Variants in SYNJ2 observed in about 807,000 individuals in gnomAD.
SYNJ2 encodes synaptojanin 2.
Under a neutral mutation model 141.3 loss-of-function variants are expected in SYNJ2, and 116 were observed. The observed-to-expected ratio is 0.82, with a 90% CI of 0.71 to 0.96. The LOEUF (loss-of-function observed/expected upper bound fraction) is 0.96. Among genes scored for constraint, SYNJ2 ranks in the 40% least tolerant of loss-of-function variants. SYNJ2 has a pLI of 0.00. For synonymous variants in SYNJ2, 745 were observed against 777.7 expected, an observed-to-expected ratio of 0.96 and a Z score of 0.70; for missense variants, 1,873 against 1,934.8, an observed-to-expected ratio of 0.97 and a Z score of 0.60.
intron 2 of SYNJ2, among the ~76,000 whole-genome samples, chr6:158,026,273 G>A (rs1267037447): frequency 6.6e-6 from 1 of 152,224 alleles, no homozygotes; most frequent in Non-Finnish European, 1.5e-5. Flanking sequence ...GGCCAGACTT[G>A]GCTTGAGAAA....
intron 22 of SYNJ2, among the ~76,000 whole-genome samples, chr6:158,085,624 G>A (rs116836781): frequency 1.3e-5 from 2 of 152,248 alleles, no homozygotes; most frequent in East Asian, 1.9e-4. Context: ...CCCTTTGACC[G>A]TACGCTGGTC....
chr6:157,997,003 T>C (rs1334527122), intron 1 of SYNJ2, among the ~76,000 whole-genome samples: 1 of 151,930 alleles, frequency 6.6e-6, no homozygotes, highest in African/African-American at 2.4e-5. Flanking sequence ...TGGCTGCTGC[T>C]GCCTCCGTCT....
At chr6:158,017,941 A>G in intron 2 of SYNJ2, 1 of 377,756 alleles carries the variant, frequency 2.6e-6, no homozygotes, top group South Asian at 2.0e-5. Context: ...GCTTCTGCCC[A>G]GGGCATTGTC....
At position 158,062,269 on chromosome 6, in the gene SYNJ2, G is replaced by A. The variant is rs960957098; in HGVS notation, c.1127+105G>A. ...CCTTCTGCTGGGTGAGGCGGCAGAG[G>A]GGCCGTGCAGTCTAGGACATGTGCC... On this transcript the variant is annotated intron_variant, in intron 8 of 26. Coordinates refer to ENST00000355585, the MANE Select transcript of SYNJ2 (RefSeq NM_003898.4). The A allele has an allele frequency of 5.9e-6, 9 of 1,537,664 alleles. No homozygotes were observed. The African/African-American group carries it at 1.1e-4, about 19-fold the overall frequency.
intron 23 of SYNJ2, among the ~76,000 whole-genome samples, chr6:158,087,614 A>G (rs1562404721): frequency 6.6e-6 from 1 of 152,224 alleles, no homozygotes; most frequent in Non-Finnish European, 1.5e-5. Context: ...AAATGTGATG[A>G]TCAGACTTAG....
At chr6:158,017,929 G>A in intron 2 of SYNJ2, 1 of 385,540 alleles carries the variant, frequency 2.6e-6, no homozygotes. Flanking sequence ...GTCTGGTCTG[G>A]GGCTTCTGCC....
intron 2 of SYNJ2, among the ~76,000 whole-genome samples, chr6:158,026,257 C>T (rs535197561): frequency 1.3e-5 from 2 of 152,340 alleles, no homozygotes; most frequent in South Asian, 2.1e-4. Flanking sequence ...GGAGCACCAG[C>T]TCTGGGGCCA....
intron 1 of SYNJ2, among the ~76,000 whole-genome samples, chr6:158,011,357 G>A (rs1778264118): frequency 6.6e-6 from 1 of 152,196 alleles, no homozygotes; most frequent in Admixed American, 6.5e-5. Context: ...AAGTTCTGCT[G>A]CCTGGGGCCT....
At chr6:158,025,894 G>C (rs551814312) in intron 2 of SYNJ2, among the ~76,000 whole-genome samples, 90 of 152,144 alleles carry the variant, frequency 5.9e-4, no homozygotes, top group African/African-American at 2.0e-3. Flanking sequence ...AGAGGTTGCG[G>C]TGAGCCGAGA....
intron 2 of SYNJ2, among the ~76,000 whole-genome samples, chr6:158,025,021 G>A (rs928497918): frequency 3.3e-5 from 5 of 152,238 alleles, no homozygotes; most frequent in Non-Finnish European, 5.9e-5. Context: ...TCTGAGTCCA[G>A]TGTGTTGCTG....
At chr6:157,986,362 C>A (rs535596003) in intron 1 of SYNJ2, among the ~76,000 whole-genome samples, 3 of 152,308 alleles carry the variant, frequency 2.0e-5, no homozygotes, top group East Asian at 3.9e-4. Context: ...TTGTTTGAGA[C>A]GGAGTCTCTT....
chr6:158,019,192 C>T (rs930975203), intron 2 of SYNJ2, among the ~76,000 whole-genome samples: 2 of 152,210 alleles, frequency 1.3e-5, no homozygotes, highest in African/African-American at 4.8e-5. Context: ...ACATGAATGA[C>T]TCATTTTGCA....
rs371522657 is a variant in SYNJ2, at chr6:158,071,585, G to T, written c.1941-17G>T. 2 of 1,611,052 alleles carry T rather than the reference G, an allele frequency of 1.2e-6. No homozygotes were observed. Among genetic ancestry groups the T allele is most frequent in the African/African-American group, 2.7e-5 (2 of 74,956 alleles). Reference sequence around the variant, plus strand: ...TCCTTCAGGAGCCGACGGCATGCGCGTATCCTTCTGTTCCAGGGACGTAGC... The same window carrying T: ...TCCTTCAGGAGCCGACGGCATGCGCTTATCCTTCTGTTCCAGGGACGTAGC... On this transcript the variant is annotated splice_polypyrimidine_tract_variant and intron_variant, in intron 14 of 26. Coordinates refer to ENST00000355585, the MANE Select transcript of SYNJ2 (RefSeq NM_003898.4). The surrounding 1 kb of genome is among the most constrained non-coding windows in gnomAD (Gnocchi z 4.3).
intron 16 of SYNJ2, 148 bp from the exon 17 acceptor site, chr6:158,076,476 CAT>C: frequency 1.1e-6 from 1 of 887,788 alleles, no homozygotes; most frequent in East Asian, 2.6e-5. Flanking sequence ...TTAAAAGACA[CAT>C]ATGTCCAGTT....
At chr6:158,013,080 CA>C (rs1778325397) in intron 1 of SYNJ2, among the ~76,000 whole-genome samples, 1 of 152,176 alleles carries the variant, frequency 6.6e-6, no homozygotes, top group South Asian at 2.1e-4. Flanking sequence ...AAATACATAT[CA>C]AAAATTTGCA....
rs746144129 is a variant in SYNJ2, at chr6:158,071,650, G to T, written c.1989G>T (p.Gly663=). 6.2e-7 allele frequency: 1 copy of T among 1,614,106 alleles called. No individual in the cohort carries two copies. Among genetic ancestry groups the T allele is most frequent in the South Asian group, 1.1e-5 (1 of 91,086 alleles). The change falls in exon 15 of 27, where the codon GGG becomes GGT. Residue 663 remains glycine, a synonymous_variant. Coordinates refer to ENST00000355585, the MANE Select transcript of SYNJ2 (RefSeq NM_003898.4). The surrounding 1 kb of genome is among the most constrained non-coding windows in gnomAD (Gnocchi z 4.3). ...AGACGGGCATGGGGGGCAAGGCGGG[G>T]AACAAGGGCGCCGTCGGCATCCGCT... The part of the protein sequence containing the change: ...TVKTGMGGKA[G]NKGAVGIRFQ...
At chr6:158,006,848 T>C (rs1405326470) in intron 1 of SYNJ2, among the ~76,000 whole-genome samples, 2 of 151,550 alleles carry the variant, frequency 1.3e-5, no homozygotes, top group East Asian at 3.9e-4. Flanking sequence ...AAATTTTGTA[T>C]TTTTAGTGGA....
intron 1 of SYNJ2, among the ~76,000 whole-genome samples, chr6:157,996,319 T>A (rs1777629966): frequency 6.6e-6 from 1 of 151,954 alleles, no homozygotes; most frequent in Non-Finnish European, 1.5e-5. Flanking sequence ...CGGTCATCGC[T>A]GCTACATCGA....
Position 157,985,968 on chromosome 6 carries a change from G to C in SYNJ2, c.127+3880G>C, listed in dbSNP as rs577654103. 1.4e-3 allele frequency among the ~76,000 whole-genome samples: 210 copies of C among 152,316 alleles called. 1 individual carries two copies. Among genetic ancestry groups the C allele is most frequent in the African/African-American group, 4.5e-3 (187 of 41,568 alleles). ...CTGCTGTTGTGCGAGGCCACGTCTC[G>C]AGTTTAGCTTTGTTTGAATTGGTGA... On this transcript the variant is annotated intron_variant, in intron 1 of 26. Transcript: ENST00000355585.
Sources: allele counts gnomAD v4.1 joint callset (sites outside exome capture counted in the v4.1 genomes callset), GRCh38; gene constraint gnomAD v4.1.1; non-coding constraint Gnocchi (gnomAD v3.1); transcripts MANE v1.5; gene names NCBI Gene and HGNC (gene_info 2026-07-23, HGNC 2026-07-21).